DOCK1: variants seen among roughly 807,000 people sequenced by gnomAD.
DOCK1 encodes dedicator of cytokinesis 1.
Under a neutral mutation model 262.7 loss-of-function variants are expected in DOCK1, and 138 were observed. The ratio of observed to expected loss-of-function variants is 0.53; its 90% confidence interval spans 0.46 to 0.61. The LOEUF (loss-of-function observed/expected upper bound fraction) is 0.61, where lower values mean the gene tolerates loss of function less well. Ranked by LOEUF, DOCK1 falls within the 20% of genes least tolerant of loss-of-function variation. The pLI is 0.00. For missense variants in DOCK1, 1,908 were observed against 2,370.7 expected, an observed-to-expected ratio of 0.80 and a Z score of 4.05; for synonymous variants, 866 against 867.4, an observed-to-expected ratio of 1.00 and a Z score of 0.03.
At chr10:127,092,230 G>A (rs1206198478) in intron 23 of DOCK1, among the ~76,000 whole-genome samples, 1 of 152,198 alleles carries the variant, frequency 6.6e-6, no homozygotes, top group Non-Finnish European at 1.5e-5. Context: ...AGCTGAGAAG[G>A]TGCCCAGTGC....
chr10:127,254,988 T>G (rs1384718858), intron 28 of DOCK1, among the ~76,000 whole-genome samples: 1 of 152,126 alleles, frequency 6.6e-6, no homozygotes, highest in Non-Finnish European at 1.5e-5. Flanking sequence ...TTCTAGTGGG[T>G]GGGCACAGGG....
At chr10:126,989,920 C>T (rs2039673271) in intron 5 of DOCK1, among the ~76,000 whole-genome samples, 1 of 152,186 alleles carries the variant, frequency 6.6e-6, no homozygotes, top group Non-Finnish European at 1.5e-5. Context: ...GTACACACCA[C>T]AGTGTGCAGC....
chr10:127,055,257 C>A (rs2045059072), intron 22 of DOCK1, among the ~76,000 whole-genome samples: 1 of 152,122 alleles, frequency 6.6e-6, no homozygotes, highest in African/African-American at 2.4e-5. Flanking sequence ...TCCTTGGCTC[C>A]TTTGATCTCT....
At chr10:127,364,980 T>C (rs191252316) in intron 33 of DOCK1, among the ~76,000 whole-genome samples, 90 of 152,366 alleles carry the variant, frequency 5.9e-4, no homozygotes, top group Non-Finnish European at 1.1e-3. Context: ...ACTGTCAGTC[T>C]GTGTATATAC....
chr10:127,270,173 C>T (rs900153839), intron 29 of DOCK1, among the ~76,000 whole-genome samples: 6 of 152,112 alleles, frequency 3.9e-5, no homozygotes, highest in Admixed American at 1.3e-4. Flanking sequence ...CAGTCCTGGC[C>T]GCACCTCCAC....
At chr10:127,179,204 C>A (rs2055478654) in intron 27 of DOCK1, among the ~76,000 whole-genome samples, 1 of 152,194 alleles carries the variant, frequency 6.6e-6, no homozygotes, top group South Asian at 2.1e-4. Context: ...AATTTTCTTA[C>A]ATCAGTTGGC....
chr10:127,173,749 C>T (rs1011913966), intron 27 of DOCK1, among the ~76,000 whole-genome samples: 9 of 152,250 alleles, frequency 5.9e-5, no homozygotes, highest in African/African-American at 9.6e-5. Context: ...CCCCACCCCA[C>T]GCCTGATGAG....
intron 13 of DOCK1, among the ~76,000 whole-genome samples, chr10:127,022,480 A>G (rs1414156073): frequency 2.0e-5 from 3 of 152,102 alleles, no homozygotes; most frequent in Non-Finnish European, 4.4e-5. Flanking sequence ...GCTGGAGTGC[A>G]GTGGCAGGAT....
At chr10:127,284,153 T>G (rs2061063979) in intron 29 of DOCK1, among the ~76,000 whole-genome samples, 1 of 152,230 alleles carries the variant, frequency 6.6e-6, no homozygotes. Context: ...ATTAATCTAT[T>G]GGTTTTAGTG....
intron 27 of DOCK1, among the ~76,000 whole-genome samples, chr10:127,216,069 C>T (rs571203023): frequency 2.6e-5 from 4 of 152,170 alleles, no homozygotes; most frequent in East Asian, 3.9e-4. Context: ...TTGCCAGGAC[C>T]GGGCCTTCAC....
intron 6 of DOCK1, among the ~76,000 whole-genome samples, chr10:126,994,847 C>G (rs945269856): frequency 6.6e-6 from 1 of 152,212 alleles, no homozygotes; most frequent in African/African-American, 2.4e-5. Context: ...ACCTCCCAGA[C>G]GGGGTGGCCA....
At chr10:127,123,270 GA>G (rs2049729127) in intron 25 of DOCK1, among the ~76,000 whole-genome samples, 1 of 68,052 alleles carries the variant, frequency 1.5e-5, no homozygotes, top group African/African-American at 3.9e-5. Context: ...AGGTTTCTTG[GA>G]AATTCAGCTT....
chr10:127,387,562 A>G (rs2066200048), intron 38 of DOCK1, among the ~76,000 whole-genome samples: 2 of 152,034 alleles, frequency 1.3e-5, no homozygotes, highest in Admixed American at 6.5e-5. Context: ...TTTCTCCTTT[A>G]TGGCACCCAC....
At chr10:127,101,948 A>G in intron 23 of DOCK1, among the ~76,000 whole-genome samples, 1 of 152,150 alleles carries the variant, frequency 6.6e-6, no homozygotes, top group East Asian at 1.9e-4. Flanking sequence ...TTTTTTTTCA[A>G]AGCAACACTG....
chr10:127,216,531 A>C (rs2058221803), intron 27 of DOCK1, among the ~76,000 whole-genome samples: 1 of 152,120 alleles, frequency 6.6e-6, no homozygotes, highest in Non-Finnish European at 1.5e-5. Context: ...TGTGCCTTAC[A>C]GCCATTGGGC....
intron 2 of DOCK1, among the ~76,000 whole-genome samples, chr10:126,972,694 C>G (rs2038206507): frequency 6.6e-6 from 1 of 151,992 alleles, no homozygotes; most frequent in Non-Finnish European, 1.5e-5. Context: ...AAACTGTGAC[C>G]AGCTCCTGGT....
At chr10:127,097,100 A>G (rs1420856881) in intron 23 of DOCK1, among the ~76,000 whole-genome samples, 1 of 152,048 alleles carries the variant, frequency 6.6e-6, no homozygotes, top group African/African-American at 2.4e-5. Context: ...GTGAGACTCT[A>G]TCTCAGAAAG....
At position 127,147,798 on chromosome 10, in the gene DOCK1, C is replaced by T. The variant is rs58573954; in HGVS notation, c.2847+20034C>T. Among the ~76,000 whole-genome samples the T allele has an allele frequency of 2.8e-3, 423 of 151,636 alleles. 1 individual carries two copies. Among genetic ancestry groups the T allele is most frequent in the African/African-American group, 9.8e-3 (403 of 41,328 alleles). Reference sequence around the variant, plus strand: ...CTGTAATCCTAGCACTTTGGGAAGTCGAGGCGGGTGGATCATGAGGTCAGG... The same window carrying T: ...CTGTAATCCTAGCACTTTGGGAAGTTGAGGCGGGTGGATCATGAGGTCAGG... On this transcript the variant is annotated intron_variant, in intron 27 of 51. Transcript: ENST00000623213.
At chr10:127,336,961 C>A (rs1369062570) in intron 29 of DOCK1, among the ~76,000 whole-genome samples, 8 of 152,064 alleles carry the variant, frequency 5.3e-5, no homozygotes, top group African/African-American at 1.9e-4. Context: ...CAATAATTAC[C>A]CTATAATAAT....
Sources: allele counts gnomAD v4.1 joint callset (sites outside exome capture counted in the v4.1 genomes callset), GRCh38; gene constraint gnomAD v4.1.1; transcripts MANE v1.5; gene names NCBI Gene and HGNC (gene_info 2026-07-23, HGNC 2026-07-21).